Variants in SDF2 observed in about 807,000 individuals in gnomAD.
The protein encoded by SDF2 is stromal cell-derived factor 2.
In SDF2, 12 loss-of-function variants were observed where a neutral mutation model predicts 20.5. The observed-to-expected ratio is 0.58, with a 90% CI of 0.37 to 0.95. The LOEUF is 0.95. Among genes scored for constraint, SDF2 ranks in the 40% least tolerant of loss-of-function variants. The pLI is 0.01. For synonymous variants in SDF2, 100 were observed against 101.0 expected, an observed-to-expected ratio of 0.99 and a Z score of 0.06; for missense variants, 238 against 263.1, an observed-to-expected ratio of 0.90 and a Z score of 0.66.
chr17:28,661,456 G>A (rs1001352942), intron 1 of SDF2, among the ~76,000 whole-genome samples: 1 of 152,244 alleles, frequency 6.6e-6, no homozygotes, highest in Non-Finnish European at 1.5e-5. Flanking sequence ...TCTGTGAAAT[G>A]AGGATAACAA....
chr17:28,657,276 CA>C (rs966192796), intron 1 of SDF2, among the ~76,000 whole-genome samples: 1 of 152,108 alleles, frequency 6.6e-6, no homozygotes, highest in Non-Finnish European at 1.5e-5. Context: ...AGGTCTGGCA[CA>C]GTGGCTCATG....
rs1484484801 is a variant in SDF2 at position 28,649,001 on chromosome 17, A to G, written c.624T>C (p.His208=). 3 of 1,614,184 alleles carry G rather than the reference A, an allele frequency of 1.9e-6. No homozygotes were observed. The highest frequency in any genetic ancestry group is 1.1e-5 in the South Asian group (1 of 91,086). Residue 208 remains histidine, a synonymous_variant, in exon 3 of 3, where the codon CAT becomes CAC. Transcript: ENST00000247020. ...AGAGCCTCTAGATTCACAGCTCTGC[A>G]TGGTGGGCTTCTGCCTTCAACAACT... ...PSELLKAEAH[H]AEL
Position 28,655,300 on chromosome 17 carries a change from A to G in SDF2, c.335T>C (p.Leu112Pro). 6.2e-7 allele frequency: 1 copy of G among 1,614,126 alleles called. No homozygotes were observed. Among genetic ancestry groups the G allele is most frequent in the South Asian group, 1.1e-5 (1 of 91,082 alleles). ...NLHSHHFTSP[L>P]SGNQEVSAFG... ...AAGCCACCTCACCTGGTTTCCAGAA[A>G]GAGGTGAAGTGAAGTGGTGACTATG... The change falls in exon 2 of 3, where the codon CTT (leucine) becomes CCT (proline). Residue 112 changes from leucine (L) to proline (P), a missense_variant. Physicochemically the swap from Leu to Pro is moderately conservative, Grantham distance 98 (BLOSUM62 -3). Coordinates refer to ENST00000247020, the MANE Select transcript of SDF2 (RefSeq NM_006923.4).
At position 28,655,317 on chromosome 17, in the gene SDF2, G is replaced by A. The variant is rs775848807; in HGVS notation, c.318C>T (p.His106=). 16 of 1,614,110 alleles carry A rather than the reference G, an allele frequency of 9.9e-6. No individual in the cohort carries two copies. The highest frequency in any genetic ancestry group is 3.3e-4 in the Middle Eastern group (2 of 6,064). Reference sequence around the variant, plus strand: ...TTCCAGAAAGAGGTGAAGTGAAGTGGTGACTATGGAGGTTTCGGCCAGTGT... The same window carrying A: ...TTCCAGAAAGAGGTGAAGTGAAGTGATGACTATGGAGGTTTCGGCCAGTGT... ...HVNTGRNLHS[H]HFTSPLSGNQ... is the part of the protein sequence containing the mutation. Residue 106 remains histidine, a synonymous_variant, in exon 2 of 3, where the codon CAC becomes CAT. Transcript: ENST00000247020.
chr17:28,661,696 A>T, intron 1 of SDF2, 30 bp downstream of exon 1: 1 of 1,601,494 alleles, frequency 6.2e-7, no homozygotes, highest in South Asian at 1.1e-5. Context: ...AGTCCTCCCT[A>T]GCCCACCCGA....
chr17:28,661,626 CT>C (rs1057135799), intron 1 of SDF2, 99 bp downstream of exon 1: 1 of 1,356,880 alleles, frequency 7.4e-7, no homozygotes, highest in African/African-American at 1.4e-5. Flanking sequence ...CAGGGAACCC[CT>C]AACTTTCCCA....
rs984566170 is a variant in SDF2, at chr17:28,655,684, A to G, written c.152-201T>C. ...CCGCCCTCAGCCATGATGGCCTAGC[A>G]GGTGGAACCTGCAAAGCTGCCAAAG... On this transcript the variant is annotated intron_variant, in intron 1 of 2. Coordinates refer to ENST00000247020, the MANE Select transcript of SDF2 (RefSeq NM_006923.4). The G allele has an allele frequency of 1.8e-5, 11 of 611,734 alleles. No individual in the cohort carries two copies. In the South Asian group the frequency reaches 2.3e-4, roughly 13 times the overall value. 37.9% of individuals were successfully genotyped at this position (611,734 alleles called of 1,614,324 possible).
Position 28,648,631 on chromosome 17 carries a change from TA to T in SDF2, c.*357del. The T allele has an allele frequency of 4.0e-6, 1 of 248,240 alleles. No homozygotes were observed. The allele number at this position is 248,240 out of a possible 1,614,324, so 15.4% of individuals were successfully genotyped here. On this transcript the variant is annotated 3_prime_UTR_variant, in exon 3 of 3. Transcript: ENST00000247020. ...TTTTTATCATTTTGGAGAGAGAAAA[TA>T]GGGGGAAAATCACATACATTAACAG...
intron 2 of SDF2, chr17:28,651,396 T>C (rs2071914083): frequency 6.6e-6 from 1 of 152,358 alleles, no homozygotes; most frequent in Admixed American, 6.5e-5. Context: ...GTTATTTGAC[T>C]TTAAATATTA....
intron 2 of SDF2, among the ~76,000 whole-genome samples, chr17:28,654,141 T>C (rs1479939063): frequency 6.6e-6 from 1 of 151,824 alleles, no homozygotes; most frequent in African/African-American, 2.4e-5. Flanking sequence ...CAAAACCCCG[T>C]ATCTACCAAA....
intron 1 of SDF2, among the ~76,000 whole-genome samples, chr17:28,658,528 A>G (rs1046448445): frequency 1.3e-5 from 2 of 151,918 alleles, no homozygotes; most frequent in Non-Finnish European, 2.9e-5. Context: ...AATCCATTTA[A>G]CCCTGAGTTG....
intron 1 of SDF2, chr17:28,661,345 G>A (rs2072037874): frequency 2.9e-6 from 1 of 346,758 alleles, no homozygotes; most frequent in Non-Finnish European, 5.6e-6. Context: ...CTCTAAAGCA[G>A]GCTTTGAACC....
In SDF2 at chr17:28,655,516, C is replaced by G. The variant is rs764096056; in HGVS notation, c.152-33G>C. The G allele has an allele frequency of 3.2e-6, 5 of 1,538,788 alleles. No individual in the cohort carries two copies. In the East Asian group the frequency reaches 1.1e-4, roughly 35 times the overall value. ...TAAGAAAAGAAAGGCAACTCTCTTT[C>G]TCTGCCATGGACAACATGCTCAGAG... is the stretch of plus-strand genomic sequence containing the variant. On this transcript the variant is annotated intron_variant, in intron 1 of 2. Coordinates refer to ENST00000247020, the MANE Select transcript of SDF2 (RefSeq NM_006923.4).
At position 28,648,924 on chromosome 17, in the gene SDF2, C is replaced by T; in HGVS notation, c.*65G>A. ...CCCAAGGAACTTGTGGCAGGGATCCCAAGGTGAGGCAGCAACAGATGTCTG... is the reference window on the plus strand; with the variant it reads ...CCCAAGGAACTTGTGGCAGGGATCCTAAGGTGAGGCAGCAACAGATGTCTG... On this transcript the variant is annotated 3_prime_UTR_variant, in exon 3 of 3. Transcript: ENST00000247020. The T allele has an allele frequency of 6.5e-7, 1 of 1,546,192 alleles. No homozygotes were observed. The highest frequency in any genetic ancestry group is 8.8e-7 in the Non-Finnish European group (1 of 1,130,708).
At chr17:28,657,409 T>G (rs1018294598) in intron 1 of SDF2, among the ~76,000 whole-genome samples, 13 of 151,926 alleles carry the variant, frequency 8.6e-5, no homozygotes, top group African/African-American at 2.7e-4. Context: ...TATGTATTTT[T>G]TTTTTTTGAT....
At chr17:28,656,178 C>CGTG (rs1333028354) in intron 1 of SDF2, 1 of 151,944 alleles carries the variant, frequency 6.6e-6, no homozygotes. Context: ...TCATACTGGG[C>CGTG]GTGGTGGCTC....
At position 28,649,117 on chromosome 17, in the gene SDF2, T is replaced by A; in HGVS notation, c.508A>T (p.Ile170Phe). ...CCATGCACCTCTTTTTGCCCACTGA[T>A]AGGTCGACCATATTGTTCTCCTGTG... is the stretch of plus-strand genomic sequence containing the variant. ...SVTGEQYGRP[I>F]SGQKEVHGMA... Residue 170 changes from isoleucine to phenylalanine, a missense_variant, in exon 3 of 3, where the codon ATC becomes TTC. Physicochemically the swap from Ile to Phe is conservative, Grantham distance 21 (BLOSUM62 0). Transcript: ENST00000247020. 1 of 1,614,230 alleles carries A rather than the reference T, an allele frequency of 6.2e-7. No individual in the cohort carries two copies. The highest frequency in any genetic ancestry group is 8.5e-7 in the Non-Finnish European group (1 of 1,180,040).
chr17:28,661,033 C>T, intron 1 of SDF2: 1 of 372,546 alleles, frequency 2.7e-6, no homozygotes, highest in South Asian at 2.1e-5. Flanking sequence ...AAGACCTATG[C>T]TGAATGAATC....
intron 2 of SDF2, among the ~76,000 whole-genome samples, chr17:28,650,825 A>AC (rs1167337327): frequency 6.6e-6 from 1 of 151,222 alleles, no homozygotes; most frequent in Non-Finnish European, 1.5e-5. Context: ...AAAAAAAAAA[A>AC]AAAAAACAGT....
Sources: allele counts gnomAD v4.1 joint callset (sites outside exome capture counted in the v4.1 genomes callset), GRCh38; gene constraint gnomAD v4.1.1; transcripts MANE v1.5; gene names NCBI Gene and HGNC (gene_info 2026-07-23, HGNC 2026-07-21).